The following BST2 variants were observed in gnomAD, a reference collection of about 807,000 sequenced individuals.
The protein encoded by BST2 is bone marrow stromal cell antigen 2.
A neutral mutation model predicts 18.6 loss-of-function variants in BST2; 10 were observed. The observed-to-expected ratio is 0.54, with a 90% CI of 0.33 to 0.91. BST2 has a LOEUF of 0.91. BST2 is among the 40% of genes least tolerant of loss of function. The pLI is 0.02. For missense variants in BST2, 183 were observed against 228.4 expected, an observed-to-expected ratio of 0.80 and a Z score of 1.28; for synonymous variants, 75 against 96.8, an observed-to-expected ratio of 0.77 and a Z score of 1.32.
At position 17,402,980 on chromosome 19, in the gene BST2, G is replaced by C. The variant is rs2145744050; in HGVS notation, c.*362C>G. 4.1e-6 allele frequency: 4 copies of C among 984,998 alleles called. No homozygotes were observed. The African/African-American group carries it at 7.0e-5, about 17-fold the overall frequency. The allele number at this position is 984,998 out of a possible 1,614,324, so 61.0% of individuals were successfully genotyped here. A position where few individuals can be genotyped will look rare whatever the true frequency, so the allele number is the denominator to read the frequency against. On this transcript the variant is annotated 3_prime_UTR_variant, in exon 5 of 5. Coordinates refer to ENST00000252593, the MANE Select transcript of BST2 (RefSeq NM_004335.4). The stretch of plus-strand genomic sequence containing the variant: ...TCAAAGGAAGTGTTTATTTTTTGGA[G>C]CTCAAAGACCCCAGAAAAAAGCAAC...
chr19:17,403,660 G>T lies in BST2; in HGVS notation c.*15+20C>A. On this transcript the variant is annotated intron_variant, in intron 4 of 4. Coordinates refer to ENST00000252593, the MANE Select transcript of BST2 (RefSeq NM_004335.4). ...CCCCAGCTTTCTTCTCCCTCCCGGG[G>T]CCGCCCCCTCCTCACTGACCAGCTT... 6.2e-7 allele frequency: 1 copy of T among 1,605,286 alleles called. No homozygotes were observed. Among genetic ancestry groups the T allele is most frequent in the Non-Finnish European group, 8.5e-7 (1 of 1,179,042 alleles).
chr19:17,404,207 C>G lies in BST2; in HGVS notation c.353-18G>C. 2 of 1,601,318 alleles carry G rather than the reference C, an allele frequency of 1.2e-6. No individual in the cohort carries two copies. Among genetic ancestry groups the G allele is most frequent in the Non-Finnish European group, 1.7e-6 (2 of 1,173,344 alleles). On this transcript the variant is annotated intron_variant, in intron 2 of 4. Coordinates refer to ENST00000252593, the MANE Select transcript of BST2 (RefSeq NM_004335.4). ...GATCTCTCCTGGTAGGGTGGGAGGA[C>G]AGAAACAGGGGGCGGGTCAGCATGT...
At position 17,404,356 on chromosome 19, in the gene BST2, T is replaced by G; in HGVS notation, c.352+15A>C. On this transcript the variant is annotated intron_variant, in intron 2 of 4. Coordinates refer to ENST00000252593, the MANE Select transcript of BST2 (RefSeq NM_004335.4). ...ACTCACCCCTCCCCGGCCCTCTCCC[T>G]TCTCCCTTTCTCACCCTCAAGCTCC... 1 of 1,415,698 alleles carries G rather than the reference T, an allele frequency of 7.1e-7. No individual in the cohort carries two copies. Among genetic ancestry groups the G allele is most frequent in the Non-Finnish European group, 9.6e-7 (1 of 1,037,554 alleles). 87.7% of individuals were successfully genotyped at this position (1,415,698 alleles called of 1,614,324 possible).
Position 17,405,189 on chromosome 19 carries a change from T to C in BST2, c.285+102A>G, listed in dbSNP as rs2074719071. On this transcript the variant is annotated intron_variant, in intron 1 of 4. Coordinates refer to ENST00000252593, the MANE Select transcript of BST2 (RefSeq NM_004335.4). The stretch of plus-strand genomic sequence containing the variant: ...CCAGGAGCAGTTTCAGGACCTCCCC[T>C]GCATCTCCCTGGAGACCCACCCTGG... 4 of 1,401,986 alleles carry C rather than the reference T, an allele frequency of 2.9e-6. No individual in the cohort carries two copies. In the Admixed American group the frequency reaches 1.1e-4, roughly 39 times the overall value. The allele number at this position is 1,401,986 out of a possible 1,614,324, so 86.8% of individuals were successfully genotyped here.
Position 17,403,006 on chromosome 19 carries a change from C to T in BST2, c.*336G>A. 1 of 984,396 alleles carries T rather than the reference C, an allele frequency of 1.0e-6. No individual in the cohort carries two copies. The highest frequency in any genetic ancestry group is 1.2e-6 in the Non-Finnish European group (1 of 829,778). The allele number at this position is 984,396 out of a possible 1,614,324, so 61.0% of individuals were successfully genotyped here. ...CTCAAAGACCCCAGAAAAAAGCAAC[C>T]CCCCCCGCAAAAAAAACCCATAACA... is the stretch of plus-strand genomic sequence containing the variant. On this transcript the variant is annotated 3_prime_UTR_variant, in exon 5 of 5. Transcript: ENST00000252593.
chr19:17,404,306 GC>G (rs1270914314), intron 2 of BST2, 64 bp downstream of exon 2: 58 of 1,469,862 alleles, frequency 3.9e-5, no homozygotes, highest in Non-Finnish European at 4.4e-5. Context: ...TGGTCTCCCT[GC>G]CCCCACCCCC....
intron 1 of BST2, 53 bp from the exon 2 acceptor site, chr19:17,404,490 C>T: frequency 7.4e-6 from 12 of 1,613,446 alleles, no homozygotes; most frequent in Non-Finnish European, 8.5e-6. Flanking sequence ...GCTGCTGCCC[C>T]TGGGACCTGG....
chr19:17,404,631 C>T (rs1053057388), intron 1 of BST2, 194 bp from the exon 2 acceptor site: 40 of 754,944 alleles, frequency 5.3e-5, no homozygotes, highest in Non-Finnish European at 6.6e-5. Context: ...CCAGGGCCAC[C>T]CATAAGCATG....
At chr19:17,404,989 G>A (rs547237558) in intron 1 of BST2, among the ~76,000 whole-genome samples, 23 of 152,212 alleles carry the variant, frequency 1.5e-4, no homozygotes, top group East Asian at 9.6e-4. Flanking sequence ...CAAGGCCCCC[G>A]ACACCAGTGC....
Position 17,403,802 on chromosome 19 carries a change from C to A in BST2, c.436G>T (p.Val146Leu), listed in dbSNP as rs201005145. 497 of 1,609,806 alleles carry A rather than the reference C, an allele frequency of 3.1e-4. 1 individual carries two copies. The highest frequency in any genetic ancestry group is 3.4e-4 in the Non-Finnish European group (402 of 1,179,130). The change falls in exon 4 of 5, where the codon GTG becomes TTG. Residue 146 changes from valine (V) to leucine (L), a missense_variant. By Grantham distance (32) the Val-to-Leu change is conservative. Transcript: ENST00000252593. The part of the protein sequence containing the change: ...RLRRENQVLS[V>L]RIADKKYYPS... ...TAGTACTTCTTGTCCGCGATTCTCA[C>A]GCTTAAGACCTGGTTTTCTCTTCTG... is the stretch of plus-strand genomic sequence containing the variant.
chr19:17,404,526 G>C (rs1331028756), intron 1 of BST2, 89 bp from the exon 2 acceptor site: 1 of 1,585,788 alleles, frequency 6.3e-7, no homozygotes, highest in Non-Finnish European at 8.6e-7. Flanking sequence ...CCTGGGGACA[G>C]AGGGGCTTAA....
At chr19:17,404,579 A>G in intron 1 of BST2, 142 bp from the exon 2 acceptor site, 7 of 1,265,476 alleles carry the variant, frequency 5.5e-6, no homozygotes, top group Non-Finnish European at 7.7e-6. Context: ...TCTCTGCACC[A>G]TGGTCTCCAA....
At position 17,405,462 on chromosome 19, in the gene BST2, C is replaced by T. The variant is rs750967302; in HGVS notation, c.114G>A (p.Gly38=). Residue 38 remains glycine, a synonymous_variant, in exon 1 of 5, where the codon GGG becomes GGA. Transcript: ENST00000252593. ...TGATGGTGAAGATAATCAAGGGCAC[C>T]CCCAGAATCACGATGATCAGGAGCA... ...ILVLLIIVIL[G]VPLIIFTIKA... The T allele has an allele frequency of 6.2e-7, 1 of 1,614,230 alleles. No homozygotes were observed. Among genetic ancestry groups the T allele is most frequent in the Non-Finnish European group, 8.5e-7 (1 of 1,180,046 alleles).
chr19:17,403,177 A>G lies in BST2; in HGVS notation c.*165T>C. ...GTGTCCCCACACCCAGGACTTCCCC[A>G]TGGCCCCTCCAGACCTGCTCCAGAG... is the stretch of plus-strand genomic sequence containing the variant. On this transcript the variant is annotated 3_prime_UTR_variant, in exon 5 of 5. Transcript: ENST00000252593. The G allele has an allele frequency of 1.0e-5, 10 of 990,858 alleles. No homozygotes were observed. In the South Asian group the frequency reaches 4.0e-4, roughly 40 times the overall value. 61.4% of individuals were successfully genotyped at this position (990,858 alleles called of 1,614,324 possible). A position where few individuals can be genotyped will look rare whatever the true frequency, so the allele number is the denominator to read the frequency against.
Position 17,403,666 on chromosome 19 carries a change from C to G in BST2, c.*15+14G>C. ...CTTTCTTCTCCCTCCCGGGGCCGCC[C>G]CCTCCTCACTGACCAGCTTCCTGGG... is the stretch of plus-strand genomic sequence containing the variant. On this transcript the variant is annotated intron_variant, in intron 4 of 4. Transcript: ENST00000252593. The G allele has an allele frequency of 6.2e-7, 1 of 1,608,296 alleles. No homozygotes were observed. Among genetic ancestry groups the G allele is most frequent in the Non-Finnish European group, 8.5e-7 (1 of 1,179,604 alleles).
intron 1 of BST2, chr19:17,404,663 T>C: frequency 1.8e-6 from 1 of 564,668 alleles, no homozygotes; most frequent in South Asian, 2.6e-5. Flanking sequence ...AATGGGAGTT[T>C]TGAGGCCACC....
intron 4 of BST2, 116 bp downstream of exon 4, chr19:17,403,564 C>A: frequency 7.1e-7 from 1 of 1,399,582 alleles, no homozygotes. Flanking sequence ...GGCCCCTCAC[C>A]TCTGCGCCCA....
At position 17,404,204 on chromosome 19, in the gene BST2, G is replaced by A. The variant is rs1366023881; in HGVS notation, c.353-15C>T. On this transcript the variant is annotated splice_polypyrimidine_tract_variant and intron_variant, in intron 2 of 4. Transcript: ENST00000252593. ...AGTGATCTCTCCTGGTAGGGTGGGA[G>A]GACAGAAACAGGGGGCGGGTCAGCA... The A allele has an allele frequency of 6.2e-7, 1 of 1,601,912 alleles. No homozygotes were observed. Among genetic ancestry groups the A allele is most frequent in the Admixed American group, 1.7e-5 (1 of 57,862 alleles).
In BST2 at chr19:17,405,311, C is replaced by T. The variant is rs771903729; in HGVS notation, c.265G>A (p.Ala89Thr). The T allele has an allele frequency of 1.1e-5, 18 of 1,611,642 alleles. No homozygotes were observed. Among genetic ancestry groups the T allele is most frequent in the Middle Eastern group, 1.8e-4 (1 of 5,590 alleles). ...KGFQDVEAQAATCNHTVMALM... is the reference protein window; with the variant it reads ...KGFQDVEAQATTCNHTVMALM... ...CTTACCACAGTGTGGTTGCAGGTGG[C>T]GGCCTGGGCCTCCACATCCTGAAAG... The change falls in exon 1 of 5, where the codon GCC becomes ACC. Residue 89 changes from alanine to threonine, a missense_variant. Ala to Thr is a moderately conservative substitution (Grantham distance 58). Coordinates refer to ENST00000252593, the MANE Select transcript of BST2 (RefSeq NM_004335.4).
Sources: allele counts gnomAD v4.1 joint callset (sites outside exome capture counted in the v4.1 genomes callset), GRCh38; gene constraint gnomAD v4.1.1; transcripts MANE v1.5; gene names NCBI Gene and HGNC (gene_info 2026-07-23, HGNC 2026-07-21).